The following BBS9 variants were observed in gnomAD, a reference collection of about 807,000 sequenced individuals.
BBS9 encodes the protein protein PTHB1.
In BBS9, 89 loss-of-function variants were observed where a neutral mutation model predicts 117.7. The ratio of observed to expected loss-of-function variants is 0.76; its 90% confidence interval spans 0.64 to 0.90. The LOEUF is 0.90. BBS9 is among the 40% of genes least tolerant of loss of function. The pLI is 0.00. For missense variants in BBS9, 982 were observed against 1,042.2 expected (o/e 0.94, Z 0.80); for synonymous variants, 379 against 370.9 (o/e 1.02, Z -0.25).
At chr7:33,473,524 A>G (rs1476196585) in intron 19 of BBS9, among the ~76,000 whole-genome samples, 1 of 152,130 alleles carries the variant, frequency 6.6e-6, no homozygotes, top group African/African-American at 2.4e-5. Flanking sequence ...GAGTTTCACC[A>G]TGTTGGCCAG....
Position 33,172,843 on chromosome 7 carries a change from AT to A in BBS9, c.329-4634del, listed in dbSNP as rs371880450. Among the ~76,000 whole-genome samples, 633 of 152,324 alleles carry A rather than the reference AT, an allele frequency of 4.2e-3. 5 individuals are homozygous for A. Among genetic ancestry groups the A allele is most frequent in the African/African-American group, 0.014 (597 of 41,570 alleles). On this transcript the variant is annotated intron_variant, in intron 4 of 22. Transcript: ENST00000242067. ...TCATTTGTCTCAAACCAAGGAAAAAATGGTGCTCCCATAAAAGTTCAGTTAA... is the reference window on the plus strand; with the variant it reads ...TCATTTGTCTCAAACCAAGGAAAAAAGGTGCTCCCATAAAAGTTCAGTTAA...
chr7:33,406,729 C>G (rs532697367), intron 19 of BBS9, among the ~76,000 whole-genome samples: 6 of 152,032 alleles, frequency 3.9e-5, no homozygotes, highest in Admixed American at 2.6e-4. Flanking sequence ...TCTGGGTTGA[C>G]AGTTCTTTTC....
At chr7:33,627,788 T>C (rs1865712088) in intron 21 of BBS9, among the ~76,000 whole-genome samples, 1 of 152,170 alleles carries the variant, frequency 6.6e-6, no homozygotes, top group Non-Finnish European at 1.5e-5. Context: ...TGGGGGCTCA[T>C]GCCCAGCACT....
chr7:33,475,948 C>T (rs1007430350), intron 19 of BBS9, among the ~76,000 whole-genome samples: 1 of 152,048 alleles, frequency 6.6e-6, no homozygotes, highest in African/African-American at 2.4e-5. Flanking sequence ...AATCTAATCG[C>T]AAAATTGAAG....
intron 21 of BBS9, among the ~76,000 whole-genome samples, chr7:33,628,830 C>T (rs894351033): frequency 1.3e-5 from 2 of 152,162 alleles, no homozygotes; most frequent in African/African-American, 4.8e-5. Context: ...TTGCAGAATA[C>T]AAGCTTAATG....
At chr7:33,185,529 G>T (rs1798696357) in intron 5 of BBS9, among the ~76,000 whole-genome samples, 2 of 152,146 alleles carry the variant, frequency 1.3e-5, no homozygotes, top group South Asian at 4.1e-4. Context: ...AACTTAGGTA[G>T]AAGAAAGTAA....
chr7:33,481,838 G>A (rs1275070993), intron 19 of BBS9, among the ~76,000 whole-genome samples: 1 of 152,118 alleles, frequency 6.6e-6, no homozygotes, highest in East Asian at 1.9e-4. Context: ...AGGACATGGG[G>A]TCTTAATAAA....
intron 21 of BBS9, among the ~76,000 whole-genome samples, chr7:33,630,666 C>A (rs1370729756): frequency 6.6e-6 from 1 of 152,154 alleles, no homozygotes; most frequent in East Asian, 1.9e-4. Flanking sequence ...CAAATTCACA[C>A]CCTCAGTGGA....
chr7:33,516,739 G>A (rs960058887), intron 20 of BBS9, among the ~76,000 whole-genome samples: 2 of 152,162 alleles, frequency 1.3e-5, no homozygotes, highest in South Asian at 2.1e-4. Flanking sequence ...AGAAAGCCAT[G>A]TATAAACAGT....
chr7:33,304,460 C>T (rs944720331), intron 9 of BBS9, among the ~76,000 whole-genome samples: 10 of 149,876 alleles, frequency 6.7e-5, no homozygotes, highest in South Asian at 4.3e-4. Flanking sequence ...TCTGCCCGGC[C>T]GCAACCCCAT....
At chr7:33,447,144 A>G (rs1837113382) in intron 19 of BBS9, among the ~76,000 whole-genome samples, 1 of 152,278 alleles carries the variant, frequency 6.6e-6, no homozygotes, top group South Asian at 2.1e-4. Flanking sequence ...ATAGGAAAAC[A>G]AAGTTTGTTA....
intron 20 of BBS9, among the ~76,000 whole-genome samples, chr7:33,527,519 G>T (rs921087298): frequency 6.6e-6 from 1 of 152,178 alleles, no homozygotes; most frequent in Non-Finnish European, 1.5e-5. Flanking sequence ...TTCCAGGTGC[G>T]TCCGTCACCC....
chr7:33,266,709 C>T (rs1342375829), intron 7 of BBS9, among the ~76,000 whole-genome samples: 1 of 151,558 alleles, frequency 6.6e-6, no homozygotes, highest in East Asian at 1.9e-4. Context: ...TTTTTTGTAT[C>T]TCCTTGGAAA....
Position 33,569,232 on chromosome 7 carries a change from G to A in BBS9, c.2521+35056G>A, listed in dbSNP as rs377227134. On this transcript the variant is annotated intron_variant, in intron 21 of 22. Transcript: ENST00000242067. ...AAAAAGTATTATACACAAACGCTTC[G>A]CTCAAGTTAGTGAATTTGTGTATCC... 1.8e-4 allele frequency among the ~76,000 whole-genome samples: 27 copies of A among 152,208 alleles called. No homozygotes were observed. In the South Asian group the frequency reaches 2.5e-3, roughly 14 times the overall value.
intron 5 of BBS9, among the ~76,000 whole-genome samples, chr7:33,210,538 T>C (rs1410119706): frequency 1.3e-5 from 2 of 152,142 alleles, no homozygotes; most frequent in Non-Finnish European, 2.9e-5. Flanking sequence ...TCTAGTGATA[T>C]GTATTTTTTT....
At chr7:33,611,564 A>G (rs947125376) in intron 21 of BBS9, among the ~76,000 whole-genome samples, 1 of 137,180 alleles carries the variant, frequency 7.3e-6, no homozygotes, top group African/African-American at 2.8e-5. Context: ...TATATATTAT[A>G]TGTAATATAT....
In BBS9 at chr7:33,201,596, C is replaced by T. The variant is rs115066977; in HGVS notation, c.442+24005C>T. On this transcript the variant is annotated intron_variant, in intron 5 of 22. Coordinates refer to ENST00000242067, the MANE Select transcript of BBS9 (RefSeq NM_198428.3). Reference sequence around the variant, plus strand: ...TCAAAGTTGACCTCACTCTACTCTTCGGTATCATTTACCTCTTCTTGTTCA... The same window carrying T: ...TCAAAGTTGACCTCACTCTACTCTTTGGTATCATTTACCTCTTCTTGTTCA... 2.1e-3 allele frequency among the ~76,000 whole-genome samples: 317 copies of T among 152,266 alleles called. 1 individual carries two copies. Among genetic ancestry groups the T allele is most frequent in the African/African-American group, 7.2e-3 (300 of 41,534 alleles).
chr7:33,440,609 A>G (rs569404995), intron 19 of BBS9, among the ~76,000 whole-genome samples: 2 of 152,344 alleles, frequency 1.3e-5, no homozygotes, highest in Admixed American at 1.3e-4. Context: ...GAGGTCAAGA[A>G]AGGGAAGCTG....
chr7:33,322,460 A>G (rs1279858149), intron 9 of BBS9, among the ~76,000 whole-genome samples: 2 of 146,756 alleles, frequency 1.4e-5, no homozygotes, highest in Non-Finnish European at 3.0e-5. Flanking sequence ...TCATGGTTCA[A>G]TCTTGGTATA....
Sources: allele counts gnomAD v4.1 joint callset (sites outside exome capture counted in the v4.1 genomes callset), GRCh38; gene constraint gnomAD v4.1.1; transcripts MANE v1.5; gene names NCBI Gene and HGNC (gene_info 2026-07-23, HGNC 2026-07-21).